The following RALGAPA1 variants were observed in gnomAD, a reference collection of about 807,000 sequenced individuals.
RALGAPA1 encodes ral GTPase-activating protein subunit alpha-1.
RALGAPA1 carries 52 observed loss-of-function variants against 269.6 expected under a neutral mutation model. The observed-to-expected ratio is 0.19, with a 90% CI of 0.15 to 0.24. The LOEUF (loss-of-function observed/expected upper bound fraction) is 0.24, where lower values mean the gene tolerates loss of function less well. RALGAPA1 is among the 10% of genes least tolerant of loss of function. The probability of loss-of-function intolerance (pLI) is 1.00; values close to 1 mark genes in which losing one functional copy is unlikely to be tolerated. For missense variants in RALGAPA1, 1,917 were observed against 3,013.9 expected (o/e 0.64, Z 8.52); for synonymous variants, 817 against 1,008.3 (o/e 0.81, Z 3.60).
At chr14:35,621,008 A>G (rs568551970) in intron 35 of RALGAPA1, among the ~76,000 whole-genome samples, 1 of 152,294 alleles carries the variant, frequency 6.6e-6, no homozygotes, top group South Asian at 2.1e-4. Context: ...TTGGAAAAAA[A>G]CTGCTTTAAA....
intron 1 of RALGAPA1, among the ~76,000 whole-genome samples, chr14:35,805,200 G>T (rs1411476591): frequency 7.9e-5 from 12 of 151,632 alleles, no homozygotes; most frequent in Non-Finnish European, 1.5e-4. Context: ...GAGGCGGGGG[G>T]ACTGCCTGAG....
At chr14:35,757,473 A>ACGGG (rs2073291001) in intron 6 of RALGAPA1, among the ~76,000 whole-genome samples, 1 of 152,146 alleles carries the variant, frequency 6.6e-6, no homozygotes, top group African/African-American at 2.4e-5. Context: ...GAATGTGACA[A>ACGGG]AGGGATGGAC....
At position 35,539,449 on chromosome 14, in the gene RALGAPA1, T is replaced by C. The variant is rs1356232688; in HGVS notation, c.*265A>G. The C allele has an allele frequency of 2.1e-5, 25 of 1,193,834 alleles. No homozygotes were observed. The highest frequency in any genetic ancestry group is 2.7e-5 in the Non-Finnish European group (24 of 901,548). 74.0% of individuals were successfully genotyped at this position (1,193,834 alleles called of 1,614,324 possible). ...TCAAATAAATGTACAGGAAGAAACA[T>C]GCATGTTATGGCAGACATGAAGGCC... is the stretch of plus-strand genomic sequence containing the variant. On this transcript the variant is annotated 3_prime_UTR_variant, in exon 42 of 42. Transcript: ENST00000680220.
chr14:35,610,881 A>C (rs2059887362), intron 35 of RALGAPA1, among the ~76,000 whole-genome samples: 2 of 152,256 alleles, frequency 1.3e-5, no homozygotes, highest in Non-Finnish European at 2.9e-5. Context: ...AAATTCTTTT[A>C]TAATAGCACC....
chr14:35,773,905 A>AATTATT (rs547517754), intron 3 of RALGAPA1, among the ~76,000 whole-genome samples: 13 of 151,134 alleles, frequency 8.6e-5, no homozygotes, highest in Admixed American at 2.6e-4. Context: ...CTAAAGAGTG[A>AATTATT]ATTATTATTA....
chr14:35,629,282 G>GGTGGGT (rs1370010980), intron 33 of RALGAPA1, among the ~76,000 whole-genome samples: 2 of 145,292 alleles, frequency 1.4e-5, no homozygotes, highest in Non-Finnish European at 3.0e-5. Flanking sequence ...ATGTTTAGGG[G>GGTGGGT]GTGTGTGTGT....
At chr14:35,705,871 G>T (rs2067762996) in intron 16 of RALGAPA1, among the ~76,000 whole-genome samples, 1 of 152,158 alleles carries the variant, frequency 6.6e-6, no homozygotes, top group Non-Finnish European at 1.5e-5. Context: ...GTGGTATCTT[G>T]TCTTAATTTG....
At chr14:35,751,550 AAGGCAGGAGGATCACTTGAAGCC>A (rs1183426023) in intron 8 of RALGAPA1, among the ~76,000 whole-genome samples, 1 of 151,996 alleles carries the variant, frequency 6.6e-6, no homozygotes, top group Non-Finnish European at 1.5e-5. Context: ...TTGGGAGGCT[AAGGCAGGAGGATCACTTGAAGCC>A]AGGAGTTCAA....
At chr14:35,693,250 A>C (rs896708035) in intron 17 of RALGAPA1, among the ~76,000 whole-genome samples, 25 of 151,878 alleles carry the variant, frequency 1.6e-4, no homozygotes, top group Non-Finnish European at 3.7e-4. Flanking sequence ...TAAAAAAACC[A>C]CAGAGCAGCA....
chr14:35,659,232 G>C (rs756770534), intron 27 of RALGAPA1, 36 bp from the exon 28 acceptor site: 1 of 1,470,072 alleles, frequency 6.8e-7, no homozygotes, highest in Non-Finnish European at 9.5e-7. Flanking sequence ...GGCAATGACT[G>C]AGATTTCACT....
At chr14:35,647,004 A>G (rs1328104115) in intron 31 of RALGAPA1, among the ~76,000 whole-genome samples, 1 of 152,204 alleles carries the variant, frequency 6.6e-6, no homozygotes, top group Non-Finnish European at 1.5e-5. Flanking sequence ...TGATGTTTCT[A>G]ACTAAAAACA....
chr14:35,707,273 A>C (rs992020549), intron 16 of RALGAPA1: 19 of 152,190 alleles, frequency 1.2e-4, no homozygotes, highest in Admixed American at 1.2e-3. Flanking sequence ...TAATCATGTC[A>C]TCTACAAAGA....
chr14:35,573,160 A>G (rs1463111277), intron 37 of RALGAPA1, among the ~76,000 whole-genome samples: 1 of 152,204 alleles, frequency 6.6e-6, no homozygotes, highest in Non-Finnish European at 1.5e-5. Context: ...TTCCAAATAG[A>G]TGTCTTGAGA....
intron 39 of RALGAPA1, among the ~76,000 whole-genome samples, chr14:35,569,519 G>T (rs2056993838): frequency 2.0e-5 from 3 of 151,918 alleles, no homozygotes; most frequent in African/African-American, 2.4e-5. Flanking sequence ...GGCTCAAAAA[G>T]GTTAAATAAT....
At chr14:35,742,918 C>G (rs1226280843) in intron 10 of RALGAPA1, among the ~76,000 whole-genome samples, 1 of 152,146 alleles carries the variant, frequency 6.6e-6, no homozygotes, top group African/African-American at 2.4e-5. Flanking sequence ...TTCAGGGTCA[C>G]TGGTGGCCAG....
intron 4 of RALGAPA1, chr14:35,765,816 T>C: frequency 1.8e-6 from 1 of 568,498 alleles, no homozygotes; most frequent in East Asian, 3.2e-5. Flanking sequence ...GTCTTACATG[T>C]GCATCAAATA....
chr14:35,576,945 A>G (rs542548067), intron 37 of RALGAPA1, among the ~76,000 whole-genome samples: 1 of 152,320 alleles, frequency 6.6e-6, no homozygotes, highest in African/African-American at 2.4e-5. Context: ...TCTTATTAAG[A>G]CCACATTTCT....
In RALGAPA1 at chr14:35,680,756, A is replaced by C. The variant is rs554094439; in HGVS notation, c.4472-2654T>G. 5.1e-3 allele frequency among the ~76,000 whole-genome samples: 778 copies of C among 151,980 alleles called. 6 individuals are homozygous for C. Among genetic ancestry groups the C allele is most frequent in the African/African-American group, 0.018 (733 of 41,476 alleles). On this transcript the variant is annotated intron_variant, in intron 21 of 41. Transcript: ENST00000680220. ...CAGCCTCCCGAGTAGCTAGGACTAC[A>C]GGTGCCCACCACCACGCCCGGCTAA...
chr14:35,541,600 G>C, intron 41 of RALGAPA1: 1 of 380,094 alleles, frequency 2.6e-6, no homozygotes, highest in East Asian at 7.2e-5. Context: ...ATTTATGGGA[G>C]AATATGAATC....
Sources: gnomAD v4.1 joint callset for allele counts (sites outside exome capture counted in the v4.1 genomes callset) on GRCh38, gnomAD v4.1.1 for gene constraint, MANE v1.5 for transcripts, NCBI Gene and HGNC (gene_info 2026-07-23, HGNC 2026-07-21) for gene names.